ARNT: variants seen among roughly 807,000 people sequenced by gnomAD.
ARNT encodes class E basic helix-loop-helix protein 2.
In ARNT, 30 loss-of-function variants were observed where a neutral mutation model predicts 105.0. That is an observed-to-expected ratio of 0.29 (90% CI 0.21 to 0.39). The LOEUF is 0.39. Ranked by LOEUF, ARNT falls within the 10% of genes least tolerant of loss-of-function variation. The pLI is 1.00. For synonymous variants in ARNT, 304 were observed against 344.0 expected, an observed-to-expected ratio of 0.88 and a Z score of 1.29; for missense variants, 748 against 978.7, an observed-to-expected ratio of 0.76 and a Z score of 3.15.
At chr1:150,826,650 T>C in intron 12 of ARNT, 33 bp from the exon 13 acceptor site, 1 of 581,486 alleles carries the variant, frequency 1.7e-6, no homozygotes, top group Non-Finnish European at 2.5e-6. Context: ...AGATATATAC[T>C]TTTTTTTTTT....
intron 1 of ARNT, among the ~76,000 whole-genome samples, chr1:150,872,559 A>G (rs587693291): frequency 6.6e-6 from 1 of 152,146 alleles, no homozygotes; most frequent in Non-Finnish European, 1.5e-5. Context: ...CTTACTACAA[A>G]CTCATTCAAC....
At chr1:150,842,824 A>C (rs1661525252) in intron 4 of ARNT, among the ~76,000 whole-genome samples, 1 of 152,242 alleles carries the variant, frequency 6.6e-6, no homozygotes, top group Non-Finnish European at 1.5e-5. Flanking sequence ...GGGACCAAAG[A>C]TATACAGAGT....
At chr1:150,855,659 T>A (rs1293899904) in intron 2 of ARNT, among the ~76,000 whole-genome samples, 1 of 151,906 alleles carries the variant, frequency 6.6e-6, no homozygotes, top group Non-Finnish European at 1.5e-5. Flanking sequence ...CCCAACACTT[T>A]AGGACGTCGA....
intron 3 of ARNT, among the ~76,000 whole-genome samples, chr1:150,850,342 G>C (rs1322306885): frequency 6.6e-6 from 1 of 152,156 alleles, no homozygotes; most frequent in Non-Finnish European, 1.5e-5. Flanking sequence ...GCCGAAGCTG[G>C]ACTGTACTGC....
intron 19 of ARNT, among the ~76,000 whole-genome samples, chr1:150,814,795 A>C (rs991139682): frequency 1.1e-4 from 16 of 152,184 alleles, no homozygotes; most frequent in African/African-American, 3.9e-4. Context: ...GTGAGCCAAG[A>C]TCGCGCCACT....
chr1:150,847,425 CAAAAAAAAAAAA>C, intron 3 of ARNT, among the ~76,000 whole-genome samples: 1 of 91,716 alleles, frequency 1.1e-5, no homozygotes, highest in South Asian at 4.2e-4. Context: ...GACTCCGTCT[CAAAAAAAAAAAA>C]AAAAAAAAAG....
chr1:150,869,924 C>T (rs1364726585), intron 1 of ARNT, among the ~76,000 whole-genome samples: 1 of 152,084 alleles, frequency 6.6e-6, no homozygotes, highest in African/African-American at 2.4e-5. Context: ...TGCCTTGCCC[C>T]CAGGCTGCCT....
At chr1:150,866,031 GGT>G (rs1475855520) in intron 1 of ARNT, among the ~76,000 whole-genome samples, 4 of 147,828 alleles carry the variant, frequency 2.7e-5, no homozygotes, top group Non-Finnish European at 4.4e-5. Context: ...TGCCCAGGCT[GGT>G]GTGCAGTGGC....
At chr1:150,867,401 T>C (rs866591103) in intron 1 of ARNT, among the ~76,000 whole-genome samples, 13 of 148,378 alleles carry the variant, frequency 8.8e-5, no homozygotes, top group African/African-American at 3.2e-4. Flanking sequence ...CAAACAGAGA[T>C]GCAGCCAGGC....
intron 1 of ARNT, among the ~76,000 whole-genome samples, chr1:150,860,018 A>G (rs901613942): frequency 2.0e-5 from 3 of 151,516 alleles, no homozygotes; most frequent in South Asian, 2.1e-4. Context: ...AAAAAAAAAA[A>G]GGGTGCATTT....
rs10305698 is a variant in ARNT at position 150,835,563 on chromosome 1, C to T, written c.700+717G>A. On this transcript the variant is annotated intron_variant, in intron 7 of 21. Coordinates refer to ENST00000358595, the MANE Select transcript of ARNT (RefSeq NM_001668.4). ...ATTACAGTAAGCTATGATGTGCCAC[C>T]GTACTCCAGCCTAGGCAAGAGAGAG... is the stretch of plus-strand genomic sequence containing the variant. 9.0e-3 allele frequency among the ~76,000 whole-genome samples: 1,369 copies of T among 152,158 alleles called. 9 individuals are homozygous for T. The highest frequency in any genetic ancestry group is 0.011 in the Non-Finnish European group (720 of 67,994).
chr1:150,824,458 C>CT (rs923773809), intron 13 of ARNT, among the ~76,000 whole-genome samples: 2,571 of 138,522 alleles, frequency 0.019, 14 homozygotes, highest in African/African-American at 0.024. Flanking sequence ...TTTTCTTTTT[C>CT]TTTTTTTTTT....
Position 150,876,544 on chromosome 1 carries a change from G to C in ARNT, c.24C>G (p.Pro8=). 6.4e-7 allele frequency: 1 copy of C among 1,550,728 alleles called. No individual in the cohort carries two copies. Among genetic ancestry groups the C allele is most frequent in the Non-Finnish European group, 8.7e-7 (1 of 1,147,816 alleles). The stretch of plus-strand genomic sequence containing the variant: ...CGCCCCAGTCCTCCGTCTCCTCACC[G>C]GGGTTGGCAGTAGTCGCCGCCATGG... MAATTAN[P]EMTSDVPSLG... is the part of the protein sequence containing the mutation. The change falls in exon 1 of 22, where the codon CCC becomes CCG. Residue 8 remains proline (P), a splice_region_variant and synonymous_variant. Coordinates refer to ENST00000358595, the MANE Select transcript of ARNT (RefSeq NM_001668.4).
At chr1:150,854,329 G>A (rs587755312) in intron 2 of ARNT, among the ~76,000 whole-genome samples, 2 of 152,232 alleles carry the variant, frequency 1.3e-5, no homozygotes, top group African/African-American at 2.4e-5. Context: ...AGGCCAAGGC[G>A]AGCAGACTAC....
At chr1:150,846,396 T>C (rs1662220058) in intron 3 of ARNT, 89 bp from the exon 4 acceptor site, 8 of 1,333,284 alleles carry the variant, frequency 6.0e-6, no homozygotes, top group Non-Finnish European at 6.3e-6. Flanking sequence ...GGTGAAAATA[T>C]TCAATAGAAA....
At chr1:150,837,442 A>G (rs879677146) in intron 6 of ARNT, among the ~76,000 whole-genome samples, 7 of 152,228 alleles carry the variant, frequency 4.6e-5, no homozygotes, top group Admixed American at 4.6e-4. Flanking sequence ...CTAATTACCA[A>G]TTCAAGTCCC....
intron 18 of ARNT, 90 bp from the exon 19 acceptor site, chr1:150,816,496 T>A: frequency 7.0e-7 from 1 of 1,435,540 alleles, no homozygotes; most frequent in South Asian, 1.4e-5. Context: ...TATCCCTAGA[T>A]CCCCTTGACT....
intron 14 of ARNT, among the ~76,000 whole-genome samples, chr1:150,819,552 T>C (rs907375233): frequency 1.3e-5 from 2 of 151,850 alleles, no homozygotes; most frequent in African/African-American, 4.8e-5. Flanking sequence ...ATGTGGTATA[T>C]CCATACAATG....
rs1180016574 is a variant in ARNT, at chr1:150,861,362, A to G, written c.26-2902T>C. ...AAATTAAATTAAAAATAGAATTACC[A>G]CATGATCCAGCAATTCCACCTCTGG... On this transcript the variant is annotated intron_variant, in intron 1 of 21. Coordinates refer to ENST00000358595, the MANE Select transcript of ARNT (RefSeq NM_001668.4). 10 of 370,894 alleles carry G rather than the reference A, an allele frequency of 2.7e-5. No homozygotes were observed. The East Asian group carries it at 8.1e-4, about 30-fold the overall frequency. The allele number at this position is 370,894 out of a possible 1,614,324, so 23.0% of individuals were successfully genotyped here. A position where few individuals can be genotyped will look rare whatever the true frequency, so the allele number is the denominator to read the frequency against.
Sources: gnomAD v4.1 joint callset for allele counts (sites outside exome capture counted in the v4.1 genomes callset) on GRCh38, gnomAD v4.1.1 for gene constraint, MANE v1.5 for transcripts, NCBI Gene and HGNC (gene_info 2026-07-23, HGNC 2026-07-21) for gene names.